DEPDC1B: variants seen among roughly 807,000 people sequenced by gnomAD.
DEPDC1B encodes DEP domain-containing protein 1B.
DEPDC1B carries 51 observed loss-of-function variants against 66.5 expected under a neutral mutation model. The observed-to-expected ratio is 0.77, with a 90% CI of 0.61 to 0.97. The LOEUF is 0.97. Ranked by LOEUF, DEPDC1B falls within the 50% of genes least tolerant of loss-of-function variation. The pLI, the probability that DEPDC1B is intolerant of heterozygous loss-of-function variation, is 0.00. For missense variants in DEPDC1B, 552 were observed against 637.1 expected, an observed-to-expected ratio of 0.87 and a Z score of 1.44; for synonymous variants, 226 against 223.6, an observed-to-expected ratio of 1.01 and a Z score of -0.10.
chr5:60,682,751 A>C (rs115112586), intron 2 of DEPDC1B, among the ~76,000 whole-genome samples: 1,889 of 152,256 alleles, frequency 0.012, 16 homozygotes, highest in Non-Finnish European at 0.02. Context: ...ATAAATAGAA[A>C]ATCTGTAATA....
intron 1 of DEPDC1B, among the ~76,000 whole-genome samples, chr5:60,699,395 CAAGTCA>C (rs1754725542): frequency 3.7e-5 from 1 of 26,790 alleles, no homozygotes; most frequent in Non-Finnish European, 8.6e-5. Flanking sequence ...TTTATTGTTC[CAAGTCA>C]AAGCAGACCA....
At chr5:60,613,653 GGAAGTTACTT>G (rs1752470602) in intron 7 of DEPDC1B, among the ~76,000 whole-genome samples, 1 of 152,074 alleles carries the variant, frequency 6.6e-6, no homozygotes, top group South Asian at 2.1e-4. Context: ...AGCCATAAGA[GGAAGTTACTT>G]TTTTAAGTCT....
At chr5:60,647,113 G>C (rs577987190) in intron 3 of DEPDC1B, among the ~76,000 whole-genome samples, 42 of 147,784 alleles carry the variant, frequency 2.8e-4, no homozygotes, top group African/African-American at 1.0e-3. Context: ...CAGCAGCCCT[G>C]GTCCATGGAG....
At chr5:60,667,288 A>G (rs951225334) in intron 2 of DEPDC1B, among the ~76,000 whole-genome samples, 3 of 151,982 alleles carry the variant, frequency 2.0e-5, no homozygotes, top group East Asian at 1.9e-4. Flanking sequence ...AGATACCATA[A>G]AGTGAAAAAA....
intron 1 of DEPDC1B, among the ~76,000 whole-genome samples, chr5:60,687,549 T>TA (rs1489828786): frequency 9.2e-5 from 14 of 151,822 alleles, no homozygotes; most frequent in Non-Finnish European, 2.1e-4. Context: ...TTTTTTGAGA[T>TA]AGAGTCTAGC....
At position 60,700,133 on chromosome 5, in the gene DEPDC1B, A is replaced by C; in HGVS notation, c.-40T>G. The C allele has an allele frequency of 1.3e-6, 2 of 1,531,836 alleles. No individual in the cohort carries two copies. The highest frequency in any genetic ancestry group is 1.8e-6 in the Non-Finnish European group (2 of 1,142,506). The allele number at this position is 1,531,836 out of a possible 1,614,324, so 94.9% of individuals were successfully genotyped here. On this transcript the variant is annotated 5_prime_UTR_variant, in exon 1 of 11. Coordinates refer to ENST00000265036, the MANE Select transcript of DEPDC1B (RefSeq NM_018369.3). ...AGCGGCCGCAGCCGCGCCAGCGCTG[A>C]TCCCCGCCAGCCGGAGGAGCAGCAG...
chr5:60,614,762 G>A (rs575860511), intron 7 of DEPDC1B, among the ~76,000 whole-genome samples: 87 of 152,178 alleles, frequency 5.7e-4, no homozygotes, highest in South Asian at 2.1e-3. Context: ...CAGCCAAGGC[G>A]GGTGGATCAC....
At chr5:60,696,632 T>C (rs2112054331) in intron 1 of DEPDC1B, among the ~76,000 whole-genome samples, 1 of 152,256 alleles carries the variant, frequency 6.6e-6, no homozygotes. Context: ...TTTCATGACA[T>C]TATATTTGAA....
chr5:60,613,224 CAGT>C (rs1752459998), intron 7 of DEPDC1B, among the ~76,000 whole-genome samples: 1 of 152,170 alleles, frequency 6.6e-6, no homozygotes, highest in African/African-American at 2.4e-5. Context: ...ACTTCAAAAA[CAGT>C]GGAGCCAGAA....
At chr5:60,646,981 T>C (rs2111886502) in intron 3 of DEPDC1B, among the ~76,000 whole-genome samples, 1 of 152,242 alleles carries the variant, frequency 6.6e-6, no homozygotes, top group East Asian at 1.9e-4. Context: ...TCCCACTGAT[T>C]CTATATTATG....
chr5:60,613,303 A>G (rs1752461733), intron 7 of DEPDC1B, among the ~76,000 whole-genome samples: 1 of 152,214 alleles, frequency 6.6e-6, no homozygotes, highest in Non-Finnish European at 1.5e-5. Flanking sequence ...ACTCATGGAA[A>G]TATTCAACAG....
intron 7 of DEPDC1B, among the ~76,000 whole-genome samples, chr5:60,622,515 A>G (rs568775791): frequency 6.6e-6 from 1 of 152,220 alleles, no homozygotes; most frequent in East Asian, 1.9e-4. Context: ...TATGAACACC[A>G]CACAATTTGT....
rs1386204726 is a variant in DEPDC1B at position 60,667,904 on chromosome 5, T to TAC, written c.314+19057_314+19058insGT. Among the ~76,000 whole-genome samples the TAC allele has an allele frequency of 5.8e-3, 202 of 34,918 alleles. 9 individuals carry two copies. The highest frequency in any genetic ancestry group is 9.5e-3 in the East Asian group (4 of 420). 22.9% of individuals were successfully genotyped at this position (34,918 alleles called of 152,430 possible). A position where few individuals can be genotyped will look rare whatever the true frequency, so the allele number is the denominator to read the frequency against. On this transcript the variant is annotated intron_variant, in intron 2 of 10. Transcript: ENST00000265036. ...ACATATATGTAAAAAATGGATATTT[T>TAC]ATATATATAAAAAATGGATATTTTA...
chr5:60,602,647 A>T (rs543891724), intron 9 of DEPDC1B, among the ~76,000 whole-genome samples: 1 of 152,156 alleles, frequency 6.6e-6, no homozygotes, highest in Non-Finnish European at 1.5e-5. Flanking sequence ...TTTTTATATA[A>T]CCACCATGAC....
At chr5:60,698,802 A>G (rs1049676602) in intron 1 of DEPDC1B, among the ~76,000 whole-genome samples, 19 of 151,962 alleles carry the variant, frequency 1.3e-4, no homozygotes, top group African/African-American at 4.6e-4. Flanking sequence ...AGTAGCTGAG[A>G]CTATAGGCGC....
intron 7 of DEPDC1B, among the ~76,000 whole-genome samples, chr5:60,612,746 C>T (rs907798971): frequency 2.7e-5 from 4 of 150,072 alleles, no homozygotes; most frequent in East Asian, 1.9e-4. Context: ...GTGCTATAGC[C>T]GTTCTTGTAA....
intron 2 of DEPDC1B, among the ~76,000 whole-genome samples, chr5:60,650,703 T>A (rs1753429297): frequency 6.6e-6 from 1 of 152,186 alleles, no homozygotes; most frequent in Non-Finnish European, 1.5e-5. Context: ...AGCCAACTGG[T>A]TATCCATTTG....
chr5:60,665,840 C>T (rs1352756974), intron 2 of DEPDC1B, among the ~76,000 whole-genome samples: 2 of 152,174 alleles, frequency 1.3e-5, no homozygotes, highest in African/African-American at 4.8e-5. Context: ...AGAGGGCTCA[C>T]TAAAATACAA....
Position 60,596,986 on chromosome 5 carries a change from AG to A in DEPDC1B, c.*766del, listed in dbSNP as rs1333060905. 6.6e-6 allele frequency: 1 copy of A among 152,608 alleles called. No homozygotes were observed. The highest frequency in any genetic ancestry group is 1.5e-5 in the Non-Finnish European group (1 of 68,028). The allele number at this position is 152,608 out of a possible 1,614,324, so 9.5% of individuals were successfully genotyped here. A position where few individuals can be genotyped will look rare whatever the true frequency, so the allele number is the denominator to read the frequency against. ...AGGATGAAAATATATTTATAAAGGAAGTAGTCTCATTTTATTTAACCCATTT... is the reference window on the plus strand; with the variant it reads ...AGGATGAAAATATATTTATAAAGGAATAGTCTCATTTTATTTAACCCATTT... On this transcript the variant is annotated 3_prime_UTR_variant, in exon 11 of 11. Coordinates refer to ENST00000265036, the MANE Select transcript of DEPDC1B (RefSeq NM_018369.3).
Sources: allele counts gnomAD v4.1 joint callset (sites outside exome capture counted in the v4.1 genomes callset), GRCh38; gene constraint gnomAD v4.1.1; transcripts MANE v1.5; gene names NCBI Gene and HGNC (gene_info 2026-07-23, HGNC 2026-07-21).